The following SLC39A10 variants were observed in gnomAD, a reference collection of about 807,000 sequenced individuals.
SLC39A10 encodes the protein zinc transporter ZIP10.
A neutral mutation model predicts 65.1 loss-of-function variants in SLC39A10; 13 were observed. The ratio of observed to expected loss-of-function variants is 0.20; its 90% CI spans 0.13 to 0.32. The LOEUF (loss-of-function observed/expected upper bound fraction) is 0.32. Ranked by LOEUF, SLC39A10 falls within the 10% of genes least tolerant of loss-of-function variation. SLC39A10 has a pLI of 1.00. For synonymous variants in SLC39A10, 321 were observed against 342.2 expected (o/e 0.94, Z 0.68); for missense variants, 831 against 1,018.4 (o/e 0.82, Z 2.50).
intron 3 of SLC39A10, among the ~76,000 whole-genome samples, chr2:195,692,424 A>G (rs555448715): frequency 7.9e-5 from 12 of 152,184 alleles, no homozygotes; most frequent in Admixed American, 2.0e-4. Context: ...GAATCTGTAG[A>G]TTGCTTTTGG....
At position 195,735,190 on chromosome 2, in the gene SLC39A10, G is replaced by A. The variant is rs895899308; in HGVS notation, c.*149G>A. ...ATTTGAGCCTAACCACAAGAGGCTGGTGCTTAGTACTGTTTTCCCTGCACG... is the reference window on the plus strand; with the variant it reads ...ATTTGAGCCTAACCACAAGAGGCTGATGCTTAGTACTGTTTTCCCTGCACG... On this transcript the variant is annotated 3_prime_UTR_variant, in exon 10 of 10. Coordinates refer to ENST00000359634, the MANE Select transcript of SLC39A10 (RefSeq NM_020342.3). 2.7e-6 allele frequency: 2 copies of A among 730,788 alleles called. No homozygotes were observed. Among genetic ancestry groups the A allele is most frequent in the African/African-American group, 3.7e-5 (2 of 54,434 alleles). The allele number at this position is 730,788 out of a possible 1,614,324, so 45.3% of individuals were successfully genotyped here. A position where few individuals can be genotyped will look rare whatever the true frequency, so the allele number is the denominator to read the frequency against.
At chr2:195,706,343 C>A (rs1691395293) in intron 3 of SLC39A10, among the ~76,000 whole-genome samples, 1 of 148,354 alleles carries the variant, frequency 6.7e-6, no homozygotes. Context: ...TGAATCACAG[C>A]CTTCAGTCAT....
At chr2:195,704,459 G>A (rs1166006484) in intron 3 of SLC39A10, among the ~76,000 whole-genome samples, 1 of 151,916 alleles carries the variant, frequency 6.6e-6, no homozygotes, top group Non-Finnish European at 1.5e-5. Context: ...AATATGATTG[G>A]ATCTAGAGAG....
At chr2:195,637,176 T>G (rs1297733994) in intron 2 of SLC39A10, among the ~76,000 whole-genome samples, 2 of 152,158 alleles carry the variant, frequency 1.3e-5, no homozygotes, top group African/African-American at 2.4e-5. Context: ...TGAGAAAAGA[T>G]TATCATGTCT....
intron 3 of SLC39A10, among the ~76,000 whole-genome samples, chr2:195,684,935 CA>C (rs1399401680): frequency 6.6e-6 from 1 of 152,128 alleles, no homozygotes; most frequent in Non-Finnish European, 1.5e-5. Context: ...ATATCGCAGA[CA>C]CTGTTCTAAG....
At chr2:195,697,356 C>T (rs947660074) in intron 3 of SLC39A10, among the ~76,000 whole-genome samples, 7 of 152,038 alleles carry the variant, frequency 4.6e-5, no homozygotes, top group South Asian at 2.1e-4. Flanking sequence ...TCTTCCAATC[C>T]GTGAACATGG....
At chr2:195,630,144 GT>G (rs1350242402) in intron 2 of SLC39A10, among the ~76,000 whole-genome samples, 3,022 of 123,014 alleles carry the variant, frequency 0.025, 96 homozygotes, top group African/African-American at 0.083. Flanking sequence ...TATGGTTTGG[GT>G]TTTTTTTTTT....
intron 6 of SLC39A10, among the ~76,000 whole-genome samples, chr2:195,716,147 A>T (rs1323331545): frequency 1.3e-5 from 2 of 152,212 alleles, no homozygotes; most frequent in African/African-American, 2.4e-5. Context: ...CTTTAAGTAC[A>T]ATTCTGCTCT....
intron 5 of SLC39A10, 128 bp downstream of exon 5, chr2:195,708,972 CT>C (rs2105814492): frequency 3.1e-6 from 2 of 648,404 alleles, no homozygotes; most frequent in East Asian, 6.3e-5. Flanking sequence ...AACAGCTAAT[CT>C]TTAGAGTAAA....
chr2:195,634,134 T>C (rs972098369), intron 2 of SLC39A10, among the ~76,000 whole-genome samples: 3 of 152,252 alleles, frequency 2.0e-5, no homozygotes, highest in African/African-American at 7.2e-5. Flanking sequence ...CAAATATGTT[T>C]TACTTATCTT....
chr2:195,652,107 G>A (rs1264104889), upstream of SLC39A10, among the ~76,000 whole-genome samples: 1 of 152,176 alleles, frequency 6.6e-6, no homozygotes. Context: ...GGAAGCAGGG[G>A]CTGGTTCCAG....
chr2:195,696,068 G>A (rs1235380621), intron 3 of SLC39A10, among the ~76,000 whole-genome samples: 1 of 152,032 alleles, frequency 6.6e-6, no homozygotes, highest in Non-Finnish European at 1.5e-5. Context: ...AAATGATCTT[G>A]CACCCTTGTC....
At chr2:195,712,808 A>G (rs564847283) in intron 5 of SLC39A10, among the ~76,000 whole-genome samples, 2 of 152,362 alleles carry the variant, frequency 1.3e-5, no homozygotes, top group South Asian at 4.1e-4. Flanking sequence ...ATCTAAGTCC[A>G]AGGTGATAAG....
At chr2:195,619,717 T>C (rs1688309788) in intron 2 of SLC39A10, among the ~76,000 whole-genome samples, 1 of 151,944 alleles carries the variant, frequency 6.6e-6, no homozygotes, top group African/African-American at 2.4e-5. Flanking sequence ...AAATGGAGCA[T>C]GTAATGAAAA....
intron 3 of SLC39A10, among the ~76,000 whole-genome samples, chr2:195,701,115 G>A (rs1387509720): frequency 4.5e-5 from 6 of 132,848 alleles, no homozygotes; most frequent in Non-Finnish European, 9.2e-5. Flanking sequence ...TTCGTTTTTA[G>A]TCAATATTTT....
intron 2 of SLC39A10, among the ~76,000 whole-genome samples, chr2:195,619,146 T>C (rs911819036): frequency 6.7e-6 from 1 of 149,254 alleles, no homozygotes; most frequent in Non-Finnish European, 1.5e-5. Context: ...AATAATGCAT[T>C]GAATGAGAGA....
At chr2:195,723,746 TA>T (rs11364851) in intron 8 of SLC39A10, among the ~76,000 whole-genome samples, 79,074 of 149,620 alleles carry the variant, frequency 0.53, 21,422 homozygotes, top group Non-Finnish European at 0.61. Flanking sequence ...ACATTTTGAT[TA>T]AAAAAAAAAA....
intron 2 of SLC39A10, among the ~76,000 whole-genome samples, chr2:195,635,825 A>G (rs536290468): frequency 6.6e-6 from 1 of 152,312 alleles, no homozygotes; most frequent in Non-Finnish European, 1.5e-5. Flanking sequence ...AAGGAAAACA[A>G]AAGGCAGATA....
chr2:195,633,386 C>T (rs1338495278), intron 2 of SLC39A10, among the ~76,000 whole-genome samples: 1 of 152,330 alleles, frequency 6.6e-6, no homozygotes, highest in Non-Finnish European at 1.5e-5. Context: ...CCCGAGGCAG[C>T]GTCTAAGAGG....
Sources: allele counts gnomAD v4.1 joint callset (sites outside exome capture counted in the v4.1 genomes callset), GRCh38; gene constraint gnomAD v4.1.1; transcripts MANE v1.5; gene names NCBI Gene and HGNC (gene_info 2026-07-23, HGNC 2026-07-21).